GFRA2: variants seen among roughly 807,000 people sequenced by gnomAD.
GFRA2 encodes the protein GDNF family receptor alpha-2.
A neutral mutation model predicts 48.3 loss-of-function variants in GFRA2; 17 were observed. That is an observed-to-expected ratio of 0.35 (90% CI 0.24 to 0.53). GFRA2 has a LOEUF of 0.53. GFRA2 is among the 20% of genes least tolerant of loss of function. The probability of loss-of-function intolerance (pLI) is 0.93; values close to 1 mark genes in which losing one functional copy is unlikely to be tolerated. For missense variants in GFRA2, 660 were observed against 637.3 expected (o/e 1.04, Z -0.38); for synonymous variants, 305 against 257.2 (o/e 1.19, Z -1.78).
At chr8:21,735,282 G>A (rs745473627) in intron 4 of GFRA2, among the ~76,000 whole-genome samples, 1 of 152,104 alleles carries the variant, frequency 6.6e-6, no homozygotes, top group African/African-American at 2.4e-5. Flanking sequence ...CAGGCACAAC[G>A]ATGTCTTCCA....
At chr8:21,759,482 G>T (rs1413928152) in intron 3 of GFRA2, among the ~76,000 whole-genome samples, 3 of 127,424 alleles carry the variant, frequency 2.4e-5, no homozygotes, top group Non-Finnish European at 1.7e-5. Flanking sequence ...GGGAAAGAAG[G>T]AAAGAAGGAA....
At chr8:21,727,727 G>A (rs144100948) in intron 4 of GFRA2, among the ~76,000 whole-genome samples, 571 of 152,276 alleles carry the variant, frequency 3.7e-3, no homozygotes, top group South Asian at 6.0e-3. Flanking sequence ...GGCCTCCCTC[G>A]GTATTTGAGG....
At chr8:21,784,539 C>T (rs1245268554) in intron 1 of GFRA2, among the ~76,000 whole-genome samples, 1 of 152,192 alleles carries the variant, frequency 6.6e-6, no homozygotes, top group Admixed American at 6.5e-5. Context: ...AAAGGCAGCG[C>T]GCTGCACAGC....
chr8:21,763,411 C>A (rs770978205), intron 3 of GFRA2, among the ~76,000 whole-genome samples: 2 of 152,064 alleles, frequency 1.3e-5, no homozygotes, highest in Non-Finnish European at 2.9e-5. Context: ...ACTCACCAAC[C>A]CTGCCATTCC....
At chr8:21,696,365 T>C (rs1219952131) in intron 7 of GFRA2, among the ~76,000 whole-genome samples, 1 of 152,130 alleles carries the variant, frequency 6.6e-6, no homozygotes. Flanking sequence ...CTGTTTTGTA[T>C]ATTGGAGTCT....
At chr8:21,763,998 CA>C (rs1563254972) in intron 3 of GFRA2, among the ~76,000 whole-genome samples, 2 of 128,820 alleles carry the variant, frequency 1.6e-5, no homozygotes, top group Non-Finnish European at 3.2e-5. Flanking sequence ...CACACACACA[CA>C]CACACACACA....
At chr8:21,741,392 A>T (rs970612254) in intron 4 of GFRA2, among the ~76,000 whole-genome samples, 2 of 152,136 alleles carry the variant, frequency 1.3e-5, no homozygotes, top group Admixed American at 6.6e-5. Flanking sequence ...TCTTGCAGAT[A>T]AACTTTTCCT....
At chr8:21,803,148 G>A (rs1031617479) in intron 2 of GFRA2, among the ~76,000 whole-genome samples, 86 of 152,276 alleles carry the variant, frequency 5.6e-4, no homozygotes, top group African/African-American at 1.9e-3. Flanking sequence ...TGCTCCACAC[G>A]GTCACTCAGG....
intron 2 of GFRA2, chr8:21,779,830 A>C (rs1806886889): frequency 6.6e-6 from 1 of 152,072 alleles, no homozygotes; most frequent in Non-Finnish European, 1.5e-5. Context: ...ATCCCCCTCT[A>C]TCTGGCTTCG....
chr8:21,703,025 G>A lies in GFRA2; in HGVS notation c.1046-48C>T, dbSNP rs199927319. The A allele has an allele frequency of 3.0e-5, 36 of 1,204,632 alleles. 1 individual carries two copies. The African/African-American group carries it at 4.7e-4, about 16-fold the overall frequency. 74.6% of individuals were successfully genotyped at this position (1,204,632 alleles called of 1,614,324 possible). ...TGCAGAGAAGTCAGAACCCACGTCC[G>A]TCACTCCTGTCCCTGCTCCTCACAC... On this transcript the variant is annotated intron_variant, in intron 6 of 8. Coordinates refer to ENST00000524240, the MANE Select transcript of GFRA2 (RefSeq NM_001495.5).
chr8:21,769,079 G>T, intron 3 of GFRA2: 1 of 663,224 alleles, frequency 1.5e-6, no homozygotes, highest in Non-Finnish European at 1.9e-6. Context: ...CATTGCTACT[G>T]AAAACAAGCC....
At position 21,782,778 on chromosome 8, in the gene GFRA2, G is replaced by A. The variant is rs1162902322; in HGVS notation, c.162C>T (p.Ser54=). The A allele has an allele frequency of 3.8e-6, 6 of 1,590,948 alleles. No homozygotes were observed. In the South Asian group the frequency reaches 6.8e-5, roughly 18 times the overall value. ...ACTGCCGCAGAGTGCGGTAGCGAGA[G>A]CTGCAGTTGGATTCGGCGGCACACA... The part of the protein sequence containing the change: ...NELCAAESNC[S]SRYRTLRQCL... Residue 54 remains serine, a synonymous_variant, in exon 2 of 9, where the codon AGC becomes AGT. Transcript: ENST00000524240.
At chr8:21,809,808 C>T (rs192992636) in intron 1 of GFRA2, among the ~76,000 whole-genome samples, 88 of 152,264 alleles carry the variant, frequency 5.8e-4, no homozygotes, top group Admixed American at 5.8e-3. Context: ...CCTTGGGAAG[C>T]CCAATGGCAC....
intron 7 of GFRA2, among the ~76,000 whole-genome samples, chr8:21,697,000 A>AGGG (rs2117325798): frequency 1.1e-5 from 1 of 94,514 alleles, no homozygotes; most frequent in African/African-American, 4.2e-5. Context: ...GAGAGAAGAG[A>AGGG]GAGGGGACAG....
At chr8:21,769,123 T>C (rs1806318811) in intron 3 of GFRA2, 8 of 965,388 alleles carry the variant, frequency 8.3e-6, no homozygotes, top group Non-Finnish European at 9.9e-6. Context: ...ATCTACCTGT[T>C]GCACCACACA....
chr8:21,705,227 C>A, intron 5 of GFRA2, 102 bp from the exon 6 acceptor site: 1 of 1,219,808 alleles, frequency 8.2e-7, no homozygotes, highest in South Asian at 1.5e-5. Context: ...GGCGTGGTAC[C>A]CATCCTCTGA....
At chr8:21,736,172 A>C (rs775268634) in intron 4 of GFRA2, among the ~76,000 whole-genome samples, 2 of 152,226 alleles carry the variant, frequency 1.3e-5, no homozygotes, top group East Asian at 1.9e-4. Flanking sequence ...TCAGGTCCAG[A>C]CACGCATTTC....
chr8:21,778,142 C>T (rs1051034120), intron 2 of GFRA2, among the ~76,000 whole-genome samples: 9 of 152,196 alleles, frequency 5.9e-5, no homozygotes, highest in African/African-American at 1.2e-4. Flanking sequence ...CTACACACAT[C>T]GCTCCTCTCA....
At chr8:21,787,496 G>C (rs1807341278) in intron 1 of GFRA2, among the ~76,000 whole-genome samples, 1 of 152,200 alleles carries the variant, frequency 6.6e-6, no homozygotes. Context: ...GCTCGGTGGG[G>C]AGAAACTTGA....
Sources: allele counts gnomAD v4.1 joint callset (sites outside exome capture counted in the v4.1 genomes callset), GRCh38; gene constraint gnomAD v4.1.1; transcripts MANE v1.5; gene names NCBI Gene and HGNC (gene_info 2026-07-23, HGNC 2026-07-21).